Variants in CNTNAP2 observed in about 807,000 individuals in gnomAD.
CNTNAP2 encodes contactin associated protein 2, also known as contactin-associated protein-like 2.
In CNTNAP2, 98 loss-of-function variants were observed where a neutral mutation model predicts 155.2. The ratio of observed to expected loss-of-function variants is 0.63; its 90% CI spans 0.54 to 0.75. CNTNAP2 has a LOEUF of 0.75. Ranked by LOEUF, CNTNAP2 falls within the 30% of genes least tolerant of loss-of-function variation. The pLI, the probability that CNTNAP2 is intolerant of heterozygous loss-of-function variation, is 0.00. For missense variants in CNTNAP2, 1,727 were observed against 1,688.1 expected (o/e 1.02, Z -0.40); for synonymous variants, 651 against 631.2 (o/e 1.03, Z -0.47).
chr7:148,360,516 G>A (rs981588056), intron 21 of CNTNAP2, among the ~76,000 whole-genome samples: 7 of 152,124 alleles, frequency 4.6e-5, no homozygotes, highest in East Asian at 3.8e-4. Context: ...GTAACTGTGC[G>A]ATCAACTTCT....
At chr7:146,499,586 C>A (rs191316433) in intron 1 of CNTNAP2, among the ~76,000 whole-genome samples, 1 of 151,958 alleles carries the variant, frequency 6.6e-6, no homozygotes, top group East Asian at 1.9e-4. Flanking sequence ...TTTATCCCTC[C>A]CCTTCCTCCC....
intron 22 of CNTNAP2, among the ~76,000 whole-genome samples, chr7:148,393,084 A>G (rs1290345818): frequency 6.6e-6 from 1 of 152,244 alleles, no homozygotes; most frequent in Admixed American, 6.5e-5. Context: ...CTTCATGTGC[A>G]AAGAGTTATG....
chr7:148,075,674 G>C (rs913526611), intron 15 of CNTNAP2, among the ~76,000 whole-genome samples: 1 of 152,140 alleles, frequency 6.6e-6, no homozygotes. Context: ...GGTTTGAAAA[G>C]GAATCTGGAT....
chr7:146,269,027 A>G (rs1256033613), intron 1 of CNTNAP2, among the ~76,000 whole-genome samples: 1 of 152,192 alleles, frequency 6.6e-6, no homozygotes, highest in Non-Finnish European at 1.5e-5. Context: ...AGCAGTTCAC[A>G]AAAGAGTGCC....
At chr7:146,783,860 A>C (rs1404383059) in intron 2 of CNTNAP2, among the ~76,000 whole-genome samples, 1 of 152,222 alleles carries the variant, frequency 6.6e-6, no homozygotes, top group Non-Finnish European at 1.5e-5. Flanking sequence ...TCTTTATCAC[A>C]GAACATCTTT....
intron 20 of CNTNAP2, among the ~76,000 whole-genome samples, chr7:148,256,123 C>T (rs190788887): frequency 5.9e-5 from 9 of 152,292 alleles, no homozygotes; most frequent in Admixed American, 3.3e-4. Context: ...ACTTGTTATA[C>T]GGTCTGGATC....
At chr7:146,967,108 C>G (rs1797673681) in intron 3 of CNTNAP2, among the ~76,000 whole-genome samples, 1 of 152,246 alleles carries the variant, frequency 6.6e-6, no homozygotes, top group African/African-American at 2.4e-5. Context: ...AGATACCTTA[C>G]TAAACGTTTT....
chr7:147,316,390 A>C (rs1795234195), intron 9 of CNTNAP2, among the ~76,000 whole-genome samples: 1 of 152,198 alleles, frequency 6.6e-6, no homozygotes, highest in Non-Finnish European at 1.5e-5. Context: ...CAGAAAAATA[A>C]GACACTGGAT....
At chr7:147,555,795 C>T (rs1409943897) in intron 11 of CNTNAP2, among the ~76,000 whole-genome samples, 1 of 152,172 alleles carries the variant, frequency 6.6e-6, no homozygotes, top group Non-Finnish European at 1.5e-5. Flanking sequence ...TCTCAAAGCA[C>T]GAGGAGTAGA....
intron 13 of CNTNAP2, among the ~76,000 whole-genome samples, chr7:147,895,084 C>A (rs2116736905): frequency 6.6e-6 from 1 of 150,656 alleles, no homozygotes; most frequent in Non-Finnish European, 1.5e-5. Flanking sequence ...GATTCCCCTG[C>A]CTCATCAGCC....
chr7:147,887,127 T>C (rs551518911), intron 13 of CNTNAP2, among the ~76,000 whole-genome samples: 11 of 152,306 alleles, frequency 7.2e-5, no homozygotes, highest in Middle Eastern at 3.4e-3. Context: ...ACTTCGACTA[T>C]ACAATTAAGG....
At chr7:148,105,526 C>T (rs1366474620) in intron 15 of CNTNAP2, among the ~76,000 whole-genome samples, 1 of 152,082 alleles carries the variant, frequency 6.6e-6, no homozygotes, top group African/African-American at 2.4e-5. Context: ...CTATTTGGAA[C>T]CGTTGGGATT....
chr7:146,845,648 C>T (rs1803827456), intron 3 of CNTNAP2, among the ~76,000 whole-genome samples: 1 of 152,116 alleles, frequency 6.6e-6, no homozygotes, highest in Non-Finnish European at 1.5e-5. Flanking sequence ...CCTCTTTTTA[C>T]TCTTATTCAT....
At chr7:147,519,625 G>A (rs1424558094) in intron 11 of CNTNAP2, among the ~76,000 whole-genome samples, 2 of 152,216 alleles carry the variant, frequency 1.3e-5, no homozygotes, top group Non-Finnish European at 2.9e-5. Context: ...CACTTTGGGA[G>A]GCCAAGGTGG....
chr7:147,570,018 C>T (rs1800253736), intron 12 of CNTNAP2, among the ~76,000 whole-genome samples: 1 of 152,210 alleles, frequency 6.6e-6, no homozygotes, highest in Admixed American at 6.5e-5. Context: ...AGAAGCTGCT[C>T]CCAGCTCCCT....
chr7:147,722,475 T>C (rs1469176000), intron 13 of CNTNAP2, among the ~76,000 whole-genome samples: 2 of 152,100 alleles, frequency 1.3e-5, no homozygotes, highest in Non-Finnish European at 2.9e-5. Flanking sequence ...TACAGGAAGG[T>C]CATAGTGTAT....
intron 13 of CNTNAP2, among the ~76,000 whole-genome samples, chr7:147,806,795 A>G (rs1282837941): frequency 6.6e-6 from 1 of 152,178 alleles, no homozygotes; most frequent in Admixed American, 6.5e-5. Flanking sequence ...GAGCTAAAAC[A>G]ATTGATCTCA....
At chr7:146,970,206 A>C (rs143929789) in intron 3 of CNTNAP2, among the ~76,000 whole-genome samples, 40,859 of 152,002 alleles carry the variant, frequency 0.27, 6,659 homozygotes, top group Non-Finnish European at 0.36. Flanking sequence ...CAAAATTGAC[A>C]AATGGGATCT....
intron 21 of CNTNAP2, among the ~76,000 whole-genome samples, chr7:148,327,007 T>C (rs1028809763): frequency 3.3e-5 from 5 of 152,208 alleles, no homozygotes; most frequent in African/African-American, 1.2e-4. Context: ...TGCTCCCCTC[T>C]GGAAGAGCCA....
Sources: gnomAD v4.1 joint callset for allele counts (sites outside exome capture counted in the v4.1 genomes callset) on GRCh38, gnomAD v4.1.1 for gene constraint, MANE v1.5 for transcripts, NCBI Gene and HGNC (gene_info 2026-07-23, HGNC 2026-07-21) for gene names.